Variants in PTPRD observed in about 807,000 individuals in gnomAD.
The protein encoded by PTPRD is protein tyrosine phosphatase receptor type D.
In PTPRD, 34 loss-of-function variants were observed where a neutral mutation model predicts 214.5. The observed-to-expected ratio is 0.16, with a 90% CI of 0.12 to 0.21. The LOEUF (loss-of-function observed/expected upper bound fraction) is 0.21, where lower values mean the gene tolerates loss of function less well. Among genes scored for constraint, PTPRD ranks in the 10% least tolerant of loss-of-function variants. The pLI, the probability that PTPRD is intolerant of heterozygous loss-of-function variation, is 1.00. For synonymous variants in PTPRD, 1,128 were observed against 845.7 expected (o/e 1.33, Z -5.79); for missense variants, 2,545 against 2,398.7 (o/e 1.06, Z -1.27).
At chr9:10,169,947 TAAGAA>T (rs2099190252) in intron 3 of PTPRD, among the ~76,000 whole-genome samples, 1 of 152,122 alleles carries the variant, frequency 6.6e-6, no homozygotes, top group Non-Finnish European at 1.5e-5. Context: ...TATATTCAAA[TAAGAA>T]AAGATAAATA....
chr9:10,580,135 A>T (rs942107647), intron 2 of PTPRD, among the ~76,000 whole-genome samples: 3 of 152,180 alleles, frequency 2.0e-5, no homozygotes, highest in African/African-American at 7.2e-5. Context: ...ATTCAGGAGA[A>T]CCTAGCCTCA....
intron 10 of PTPRD, among the ~76,000 whole-genome samples, chr9:9,120,008 T>C (rs76905017): frequency 0.021 from 3,167 of 152,262 alleles, 117 homozygotes; most frequent in African/African-American, 0.072. Context: ...GTTTGGGACA[T>C]AATGGTTGAA....
At chr9:9,728,341 G>A (rs969881121) in intron 7 of PTPRD, among the ~76,000 whole-genome samples, 1 of 152,160 alleles carries the variant, frequency 6.6e-6, no homozygotes, top group Non-Finnish European at 1.5e-5. Flanking sequence ...AATTTGTTGT[G>A]CCTCCTTCCT....
In PTPRD at chr9:9,453,242, A is replaced by G. The variant is rs1182917862; in HGVS notation, c.-236-55760T>C. On this transcript the variant is annotated intron_variant, in intron 8 of 45. Transcript: ENST00000381196. ...AACATCTTTACAAGCCATCTATATCATGTAGTTACATGCTTAACCTCATTT... is the reference window on the plus strand; with the variant it reads ...AACATCTTTACAAGCCATCTATATCGTGTAGTTACATGCTTAACCTCATTT... Among the ~76,000 whole-genome samples the G allele has an allele frequency of 3.3e-5, 5 of 151,702 alleles. No homozygotes were observed. In the East Asian group the frequency reaches 9.7e-4, roughly 29 times the overall value.
chr9:10,076,909 G>T (rs2098140715), intron 3 of PTPRD, among the ~76,000 whole-genome samples: 1 of 152,144 alleles, frequency 6.6e-6, no homozygotes, highest in Non-Finnish European at 1.5e-5. Flanking sequence ...TAGAGTAGAT[G>T]TTGCAGCACC....
rs1825707661 is a variant in PTPRD, at chr9:8,319,972, A to G, written c.5535-6T>C. On this transcript the variant is annotated splice_region_variant and splice_polypyrimidine_tract_variant and intron_variant, in intron 44 of 45. Transcript: ENST00000381196. Reference sequence around the variant, plus strand: ...CAGTTCTTCCAACGCCCGCGCTGCCACAATAACAAAGGCGATGTTACTGGG... The same window carrying G: ...CAGTTCTTCCAACGCCCGCGCTGCCGCAATAACAAAGGCGATGTTACTGGG... 1 of 1,611,156 alleles carries G rather than the reference A, an allele frequency of 6.2e-7. No individual in the cohort carries two copies. Among genetic ancestry groups the G allele is most frequent in the African/African-American group, 1.3e-5 (1 of 74,692 alleles).
At chr9:10,168,500 T>C (rs935727708) in intron 3 of PTPRD, among the ~76,000 whole-genome samples, 1 of 152,212 alleles carries the variant, frequency 6.6e-6, no homozygotes, top group African/African-American at 2.4e-5. Context: ...TTCCTAACAT[T>C]TGCCTTTTAA....
intron 9 of PTPRD, among the ~76,000 whole-genome samples, chr9:9,392,735 T>G (rs1173423235): frequency 6.6e-6 from 1 of 152,222 alleles, no homozygotes; most frequent in Non-Finnish European, 1.5e-5. Context: ...GATGACCCAC[T>G]GTTATTGGAA....
intron 7 of PTPRD, among the ~76,000 whole-genome samples, chr9:9,597,079 G>C (rs1467119890): frequency 6.6e-6 from 1 of 151,988 alleles, no homozygotes; most frequent in Admixed American, 6.6e-5. Context: ...AGTAGTCATT[G>C]AAAAACGAAT....
intron 8 of PTPRD, among the ~76,000 whole-genome samples, chr9:9,447,260 C>A (rs1413748793): frequency 6.6e-6 from 1 of 152,118 alleles, no homozygotes. Flanking sequence ...GACATGGAAT[C>A]AACCTAAATG....
chr9:10,528,368 G>GTAAA (rs1294809109), intron 2 of PTPRD, among the ~76,000 whole-genome samples: 1 of 152,068 alleles, frequency 6.6e-6, no homozygotes, highest in Non-Finnish European at 1.5e-5. Flanking sequence ...GATTGTCAGA[G>GTAAA]TAAACTGAGT....
chr9:9,527,100 T>C (rs1355324662), intron 8 of PTPRD, among the ~76,000 whole-genome samples: 8 of 152,164 alleles, frequency 5.3e-5, no homozygotes, highest in Admixed American at 5.2e-4. Flanking sequence ...AATTCAATCA[T>C]TTTATATATG....
chr9:8,991,337 T>C (rs1286197701), intron 11 of PTPRD, among the ~76,000 whole-genome samples: 1 of 152,184 alleles, frequency 6.6e-6, no homozygotes, highest in East Asian at 1.9e-4. Context: ...TTTTCTCTTG[T>C]TAACCTATCT....
intron 7 of PTPRD, among the ~76,000 whole-genome samples, chr9:9,707,458 T>C (rs2097645928): frequency 6.6e-6 from 1 of 152,172 alleles, no homozygotes; most frequent in African/African-American, 2.4e-5. Flanking sequence ...CTTGTTTTGA[T>C]TGAAAATGGC....
chr9:10,112,122 C>G lies in PTPRD; in HGVS notation c.-544-78332G>C, dbSNP rs532307156. On this transcript the variant is annotated intron_variant, in intron 3 of 45. Transcript: ENST00000381196. ...AAGCATGCCAGATTTCCCCTTTTGC[C>G]CTAAGTGCTTTTTTGTGTTTCTGGA... 4.6e-5 allele frequency among the ~76,000 whole-genome samples: 7 copies of G among 152,208 alleles called. No homozygotes were observed. In the East Asian group the frequency reaches 1.4e-3, roughly 29 times the overall value.
chr9:9,458,612 T>C (rs150007584), intron 8 of PTPRD, among the ~76,000 whole-genome samples: 3 of 152,200 alleles, frequency 2.0e-5, no homozygotes, highest in Non-Finnish European at 2.9e-5. Flanking sequence ...TTCCCCAAGA[T>C]GGCTAACTTG....
At chr9:8,688,160 A>G (rs1406037337) in intron 12 of PTPRD, among the ~76,000 whole-genome samples, 2 of 152,232 alleles carry the variant, frequency 1.3e-5, no homozygotes, top group Non-Finnish European at 2.9e-5. Context: ...TTCATAAGGG[A>G]CAGATGTATT....
intron 12 of PTPRD, among the ~76,000 whole-genome samples, chr9:8,710,376 G>A (rs912424269): frequency 2.6e-5 from 4 of 152,136 alleles, no homozygotes; most frequent in Admixed American, 6.5e-5. Context: ...TAGCACTCTG[G>A]GAAGCCAAGG....
intron 9 of PTPRD, among the ~76,000 whole-genome samples, chr9:9,369,696 C>A (rs1001837670): frequency 6.6e-6 from 1 of 152,064 alleles, no homozygotes; most frequent in Non-Finnish European, 1.5e-5. Flanking sequence ...ATGCCTATGT[C>A]CTGAATGGTA....
Sources: allele counts gnomAD v4.1 joint callset (sites outside exome capture counted in the v4.1 genomes callset), GRCh38; gene constraint gnomAD v4.1.1; transcripts MANE v1.5; gene names NCBI Gene and HGNC (gene_info 2026-07-23, HGNC 2026-07-21).